CDK14: variants seen among roughly 807,000 people sequenced by gnomAD.
CDK14 encodes cyclin dependent kinase 14, also known as cyclin-dependent kinase 14.
Under a neutral mutation model 60.7 loss-of-function variants are expected in CDK14, and 34 were observed. That is an observed-to-expected ratio of 0.56 (90% CI 0.43 to 0.75). The LOEUF (loss-of-function observed/expected upper bound fraction) is 0.75. Ranked by LOEUF, CDK14 falls within the 30% of genes least tolerant of loss-of-function variation. CDK14 has a pLI of 0.00. For synonymous variants in CDK14, 197 were observed against 203.7 expected, an observed-to-expected ratio of 0.97 and a Z score of 0.28; for missense variants, 482 against 564.1, an observed-to-expected ratio of 0.85 and a Z score of 1.47.
In CDK14 at chr7:90,717,334, G is replaced by A. The variant is rs71557095; in HGVS notation, c.124-9233G>A. 5.6e-3 allele frequency among the ~76,000 whole-genome samples: 846 copies of A among 152,100 alleles called. 5 individuals carry two copies. The highest frequency in any genetic ancestry group is 0.029 in the South Asian group (138 of 4,816). ...ACATATACCAAAGCTTAAGCTTCTG[G>A]AAAGACTACCTAATATTCCATAATA... On this transcript the variant is annotated intron_variant, in intron 2 of 14. Coordinates refer to ENST00000380050, the MANE Select transcript of CDK14 (RefSeq NM_001287135.2).
At chr7:90,655,671 A>G (rs1460250224) in intron 2 of CDK14, among the ~76,000 whole-genome samples, 2 of 152,312 alleles carry the variant, frequency 1.3e-5, no homozygotes, top group East Asian at 1.9e-4. Context: ...GGACCTAAAC[A>G]CATTACAAAT....
At chr7:90,708,641 C>T (rs1413769440) in intron 2 of CDK14, among the ~76,000 whole-genome samples, 1 of 152,054 alleles carries the variant, frequency 6.6e-6, no homozygotes, top group African/African-American at 2.4e-5. Flanking sequence ...TCATTTAAAC[C>T]AATTAGGATG....
chr7:91,027,483 T>C (rs1392168978), intron 10 of CDK14, among the ~76,000 whole-genome samples: 1 of 152,148 alleles, frequency 6.6e-6, no homozygotes, highest in African/African-American at 2.4e-5. Context: ...CTCTATGTAA[T>C]TTACTAATTT....
At chr7:90,897,023 T>A (rs371487842) in intron 6 of CDK14, among the ~76,000 whole-genome samples, 2 of 152,256 alleles carry the variant, frequency 1.3e-5, no homozygotes, top group South Asian at 2.1e-4. Flanking sequence ...CCAATTCCAT[T>A]TGTTAATTTT....
At chr7:91,124,742 C>T (rs1022134404) in intron 14 of CDK14, among the ~76,000 whole-genome samples, 4 of 152,140 alleles carry the variant, frequency 2.6e-5, no homozygotes, top group African/African-American at 9.7e-5. Flanking sequence ...ATTTAGCCAG[C>T]AGCATAATAT....
intron 3 of CDK14, among the ~76,000 whole-genome samples, chr7:90,745,988 T>A (rs966117563): frequency 6.6e-6 from 1 of 152,214 alleles, no homozygotes; most frequent in Non-Finnish European, 1.5e-5. Context: ...GTCCTTGCTC[T>A]GCTCAGATAC....
At chr7:90,632,725 T>C (rs1656297576) in intron 2 of CDK14, among the ~76,000 whole-genome samples, 1 of 152,170 alleles carries the variant, frequency 6.6e-6, no homozygotes, top group South Asian at 2.1e-4. Flanking sequence ...GAAAATTAGT[T>C]TTTATACTTT....
intron 5 of CDK14, among the ~76,000 whole-genome samples, chr7:90,792,916 C>T (rs1584897843): frequency 6.6e-6 from 1 of 152,208 alleles, no homozygotes; most frequent in African/African-American, 2.4e-5. Context: ...GGCTGGAATG[C>T]TCTTCCCTGG....
At chr7:91,035,971 G>A (rs996879718) in intron 10 of CDK14, among the ~76,000 whole-genome samples, 4 of 151,454 alleles carry the variant, frequency 2.6e-5, no homozygotes, top group African/African-American at 9.7e-5. Flanking sequence ...AGCCTCCCGA[G>A]TAGCTGGGAC....
intron 14 of CDK14, among the ~76,000 whole-genome samples, chr7:91,201,326 A>G (rs916047039): frequency 5.3e-5 from 8 of 152,184 alleles, no homozygotes; most frequent in African/African-American, 1.9e-4. Context: ...TCTCCTAAAT[A>G]GAAATGAGCG....
In CDK14 at chr7:90,878,072, C is replaced by CTGTGTG. The variant is rs142735469; in HGVS notation, c.639+14820_639+14825dup. On this transcript the variant is annotated intron_variant, in intron 6 of 14. Coordinates refer to ENST00000380050, the MANE Select transcript of CDK14 (RefSeq NM_001287135.2). ...TAGATGCATTGGACACATTGTGTGG[C>CTGTGTG]TGTGTGTGTGTGTGTGTGTGTGAGA... is the stretch of plus-strand genomic sequence containing the variant. 3.6e-4 allele frequency among the ~76,000 whole-genome samples: 53 copies of CTGTGTG among 147,748 alleles called. 1 individual carries two copies. Among genetic ancestry groups the CTGTGTG allele is most frequent in the South Asian group, 6.5e-4 (3 of 4,594 alleles).
chr7:90,914,457 A>C (rs573750445), intron 7 of CDK14, among the ~76,000 whole-genome samples: 2 of 152,156 alleles, frequency 1.3e-5, no homozygotes, highest in Admixed American at 6.6e-5. Context: ...TAGGGACCAC[A>C]TCTTATATCT....
At chr7:91,139,802 C>CT (rs1436657229) in intron 14 of CDK14, among the ~76,000 whole-genome samples, 1 of 148,948 alleles carries the variant, frequency 6.7e-6, no homozygotes, top group African/African-American at 2.5e-5. Context: ...TTCTTTCTTT[C>CT]TTTCTTTCTT....
rs1221152472 is a variant in CDK14 at position 91,137,701 on chromosome 7, T to G, written c.*28+19493T>G. ...TCTAAAGACTTGTGGGGGGTGTGTG[T>G]GTGTGTGTGTGTGTATGTGTGTGTG... On this transcript the variant is annotated intron_variant, in intron 14 of 14. Transcript: ENST00000380050. Among the ~76,000 whole-genome samples the G allele has an allele frequency of 9.6e-3, 1,293 of 135,392 alleles. 22 individuals are homozygous for G. Among genetic ancestry groups the G allele is most frequent in the African/African-American group, 0.035 (1,124 of 32,024 alleles). 88.8% of individuals were successfully genotyped at this position (135,392 alleles called of 152,430 possible).
chr7:91,185,785 C>T (rs540889667), intron 14 of CDK14, among the ~76,000 whole-genome samples: 35 of 151,908 alleles, frequency 2.3e-4, no homozygotes, highest in Non-Finnish European at 3.4e-4. Flanking sequence ...TAAAGCAGTT[C>T]GGGGGTTTTT....
intron 14 of CDK14, among the ~76,000 whole-genome samples, chr7:91,129,153 G>A (rs368669313): frequency 4.6e-5 from 7 of 152,076 alleles, no homozygotes; most frequent in African/African-American, 1.7e-4. Context: ...GCCTTCATGG[G>A]GTCAAAACTG....
intron 5 of CDK14, among the ~76,000 whole-genome samples, chr7:90,819,060 G>C (rs3824039): frequency 6.6e-6 from 1 of 151,780 alleles, no homozygotes. Context: ...GCTTCATGAA[G>C]CATCTAGGCA....
intron 2 of CDK14, chr7:90,710,681 TTTTGG>T: frequency 3.4e-5 from 13 of 378,560 alleles, no homozygotes; most frequent in Non-Finnish European, 4.7e-5. Flanking sequence ...ACTATTAGCA[TTTTGG>T]ATGCTAATGG....
At chr7:91,067,637 A>G (rs1245620156) in intron 11 of CDK14, among the ~76,000 whole-genome samples, 1 of 152,254 alleles carries the variant, frequency 6.6e-6, no homozygotes, top group Admixed American at 6.5e-5. Flanking sequence ...ACACAGGCAC[A>G]TGCCCAGGCA....
Sources: gnomAD v4.1 joint callset for allele counts (sites outside exome capture counted in the v4.1 genomes callset) on GRCh38, gnomAD v4.1.1 for gene constraint, MANE v1.5 for transcripts, NCBI Gene and HGNC (gene_info 2026-07-23, HGNC 2026-07-21) for gene names.